MCPH1: variants seen among roughly 807,000 people sequenced by gnomAD.
MCPH1 encodes the protein microcephalin.
Under a neutral mutation model 84.5 loss-of-function variants are expected in MCPH1, and 104 were observed. The ratio of observed to expected loss-of-function variants is 1.23; its 90% CI spans 1.05 to 1.45. The LOEUF (loss-of-function observed/expected upper bound fraction) is 1.45. MCPH1 is among the 40% of genes most tolerant of loss of function. MCPH1 has a pLI of 0.00. For synonymous variants in MCPH1, 514 were observed against 366.8 expected (o/e 1.40, Z -4.58); for missense variants, 1,498 against 1,005.7 (o/e 1.49, Z -6.62).
intron 13 of MCPH1, among the ~76,000 whole-genome samples, chr8:6,638,224 G>C (rs1459606784): frequency 2.0e-5 from 3 of 152,226 alleles, no homozygotes; most frequent in Admixed American, 1.3e-4. Context: ...AAGCCGCAGA[G>C]GCTGGGTGAC....
At chr8:6,514,569 G>T in intron 12 of MCPH1, 2 of 969,898 alleles carry the variant, frequency 2.1e-6, no homozygotes, top group Non-Finnish European at 3.2e-6. Context: ...TAAAAACCAT[G>T]TCAAAAGTCA....
chr8:6,611,131 C>CACCT (rs931392634), intron 12 of MCPH1, among the ~76,000 whole-genome samples: 10 of 83,066 alleles, frequency 1.2e-4, no homozygotes, highest in Non-Finnish European at 2.1e-4. Context: ...CACACACACT[C>CACCT]ACACACACAC....
chr8:6,591,738 G>C (rs764248951), intron 12 of MCPH1, among the ~76,000 whole-genome samples: 27 of 152,188 alleles, frequency 1.8e-4, no homozygotes, highest in Non-Finnish European at 3.4e-4. Flanking sequence ...CTCCTGCACT[G>C]CATTTGGATA....
Position 6,526,294 on chromosome 8 carries a change from G to C in MCPH1, c.2214+26365G>C, listed in dbSNP as rs545344184. ...AAAAAAAAAAAAAAAAATCAGCTGGGTGTGTGACACATGCCTGTAGTCCCA... is the reference window on the plus strand; with the variant it reads ...AAAAAAAAAAAAAAAAATCAGCTGGCTGTGTGACACATGCCTGTAGTCCCA... On this transcript the variant is annotated intron_variant, in intron 12 of 13. Coordinates refer to ENST00000344683, the MANE Select transcript of MCPH1 (RefSeq NM_024596.5). Among the ~76,000 whole-genome samples the C allele has an allele frequency of 6.7e-5, 10 of 148,914 alleles. No homozygotes were observed. The South Asian group carries it at 1.9e-3, about 29-fold the overall frequency.
At chr8:6,615,972 G>C (rs1432799357) in intron 12 of MCPH1, 1 of 152,212 alleles carries the variant, frequency 6.6e-6, no homozygotes, top group Non-Finnish European at 1.5e-5. Flanking sequence ...GAGGGTGTGA[G>C]TAGATTGTGC....
At chr8:6,609,619 T>G (rs1830077126) in intron 12 of MCPH1, among the ~76,000 whole-genome samples, 1 of 152,326 alleles carries the variant, frequency 6.6e-6, no homozygotes, top group South Asian at 2.1e-4. Flanking sequence ...AAAGTCCCAT[T>G]TGCATGTGGC....
intron 8 of MCPH1, chr8:6,446,740 T>C (rs1804434870): frequency 1.0e-6 from 1 of 985,392 alleles, no homozygotes; most frequent in African/African-American, 1.7e-5. Flanking sequence ...TTTTTTAAGC[T>C]TTTGAATAAT....
intron 7 of MCPH1, among the ~76,000 whole-genome samples, chr8:6,442,773 T>A (rs1052592630): frequency 1.3e-5 from 2 of 152,222 alleles, no homozygotes; most frequent in Non-Finnish European, 2.9e-5. Flanking sequence ...GTAGCAGTGA[T>A]CCCTGAAAGT....
At chr8:6,416,114 A>G (rs561637167) in intron 3 of MCPH1, among the ~76,000 whole-genome samples, 1 of 152,316 alleles carries the variant, frequency 6.6e-6, no homozygotes, top group East Asian at 1.9e-4. Flanking sequence ...ATAGAAATGC[A>G]GGTGATTGTT....
At chr8:6,626,832 C>CT (rs1796751750) in intron 13 of MCPH1, 1 of 985,222 alleles carries the variant, frequency 1.0e-6, no homozygotes, top group Non-Finnish European at 1.2e-6. Flanking sequence ...TCTTCCCTCC[C>CT]TGCTGCTGTT....
At chr8:6,463,038 TACTG>T (rs1262190403) in intron 9 of MCPH1, among the ~76,000 whole-genome samples, 3 of 152,212 alleles carry the variant, frequency 2.0e-5, no homozygotes, top group African/African-American at 7.2e-5. Flanking sequence ...TTGTTGGACT[TACTG>T]ACCACAGGCA....
chr8:6,471,158 G>A (rs534748444), intron 9 of MCPH1, among the ~76,000 whole-genome samples: 3 of 152,306 alleles, frequency 2.0e-5, no homozygotes, highest in East Asian at 3.9e-4. Flanking sequence ...CTGTAAGGCT[G>A]AGAACACCGT....
chr8:6,616,257 G>A (rs903408447), intron 12 of MCPH1: 6 of 152,180 alleles, frequency 3.9e-5, no homozygotes, highest in African/African-American at 7.2e-5. Flanking sequence ...TTTAAAGGGT[G>A]AGCTCTGCCT....
At chr8:6,460,857 C>G (rs965159955) in intron 9 of MCPH1, among the ~76,000 whole-genome samples, 2 of 152,146 alleles carry the variant, frequency 1.3e-5, no homozygotes, top group Non-Finnish European at 2.9e-5. Flanking sequence ...TGGGCAACGT[C>G]TGCAAATAGC....
chr8:6,557,471 C>T (rs1007719011), intron 12 of MCPH1, among the ~76,000 whole-genome samples: 29 of 151,988 alleles, frequency 1.9e-4, no homozygotes, highest in Admixed American at 1.9e-3. Flanking sequence ...GTCTTTATAT[C>T]AGAATAATTC....
At chr8:6,634,122 G>C (rs980000181) in intron 13 of MCPH1, among the ~76,000 whole-genome samples, 2 of 152,154 alleles carry the variant, frequency 1.3e-5, no homozygotes, top group Non-Finnish European at 2.9e-5. Flanking sequence ...GATGTGAATA[G>C]TGTATTGAAA....
chr8:6,419,530 C>A (rs1472940846), intron 3 of MCPH1, among the ~76,000 whole-genome samples: 1 of 150,850 alleles, frequency 6.6e-6, no homozygotes, highest in East Asian at 1.9e-4. Flanking sequence ...GTAGCTGGGA[C>A]TACAGGCGCC....
intron 2 of MCPH1, among the ~76,000 whole-genome samples, chr8:6,409,993 C>T (rs749637193): frequency 4.0e-5 from 6 of 150,516 alleles, no homozygotes; most frequent in Non-Finnish European, 7.4e-5. Context: ...TTTTTTGAGA[C>T]GGAGTCTCGC....
At chr8:6,509,760 G>C (rs984561224) in intron 12 of MCPH1, among the ~76,000 whole-genome samples, 2 of 152,158 alleles carry the variant, frequency 1.3e-5, no homozygotes, top group Non-Finnish European at 2.9e-5. Context: ...CCTGACCTTT[G>C]GAGCATCATA....
Sources: gnomAD v4.1 joint callset for allele counts (sites outside exome capture counted in the v4.1 genomes callset) on GRCh38, gnomAD v4.1.1 for gene constraint, MANE v1.5 for transcripts, NCBI Gene and HGNC (gene_info 2026-07-23, HGNC 2026-07-21) for gene names.